The following LVRN variants were observed in gnomAD, a reference collection of about 807,000 sequenced individuals.
LVRN encodes laeverin.
Under a neutral mutation model 111.4 loss-of-function variants are expected in LVRN, and 99 were observed. The observed-to-expected ratio is 0.89, with a 90% CI of 0.76 to 1.05. The LOEUF is 1.05. Ranked by LOEUF, LVRN falls within the 50% of genes least tolerant of loss-of-function variation. LVRN has a pLI of 0.00. For synonymous variants in LVRN, 488 were observed against 449.5 expected (o/e 1.09, Z -1.08); for missense variants, 1,414 against 1,206.8 (o/e 1.17, Z -2.54).
At position 115,962,624 on chromosome 5, in the gene LVRN, C is replaced by T. The variant is rs773969321; in HGVS notation, c.7C>T (p.Pro3Ser). The change falls in exon 1 of 20, where the codon CCC becomes TCC. Residue 3 changes from proline to serine, a missense_variant. Coordinates refer to ENST00000357872, the MANE Select transcript of LVRN (RefSeq NM_173800.5). Reference sequence around the variant, plus strand: ...CCTGAACCCGGTCCCTGCCATGGGGCCCCCTTCCAGCTCAGGCTTCTATGT... The same window carrying T: ...CCTGAACCCGGTCCCTGCCATGGGGTCCCCTTCCAGCTCAGGCTTCTATGT... Reference protein sequence around the residue: MGPPSSSGFYVSR... With the variant: MGSPSSSGFYVSR... The T allele has an allele frequency of 2.5e-6, 4 of 1,593,916 alleles. No individual in the cohort carries two copies. The East Asian group carries it at 6.7e-5, about 27-fold the overall frequency.
At chr5:115,992,442 G>T (rs1748017461) in intron 5 of LVRN, among the ~76,000 whole-genome samples, 165 bp downstream of exon 5, 1 of 152,174 alleles carries the variant, frequency 6.6e-6, no homozygotes, top group Non-Finnish European at 1.5e-5. Context: ...CAGATTCAGG[G>T]TGGATTTGAG....
chr5:116,004,144 A>C (rs1748306050), intron 12 of LVRN, among the ~76,000 whole-genome samples: 1 of 152,238 alleles, frequency 6.6e-6, no homozygotes. Flanking sequence ...TACTAATTTT[A>C]CTTCTAAAAA....
intron 1 of LVRN, among the ~76,000 whole-genome samples, chr5:115,971,591 G>T (rs1299363911): frequency 6.6e-6 from 1 of 152,000 alleles, no homozygotes; most frequent in Non-Finnish European, 1.5e-5. Flanking sequence ...GTACTGAATT[G>T]TGTCTGCACT....
chr5:115,972,625 C>T (rs1753351844), intron 1 of LVRN, among the ~76,000 whole-genome samples: 1 of 151,896 alleles, frequency 6.6e-6, no homozygotes. Flanking sequence ...TCTAATACAA[C>T]ACTGAATAGA....
At chr5:115,972,305 A>G (rs1394742075) in intron 1 of LVRN, among the ~76,000 whole-genome samples, 1 of 152,056 alleles carries the variant, frequency 6.6e-6, no homozygotes, top group Non-Finnish European at 1.5e-5. Context: ...TTCACTGTAT[A>G]TATCTTGCAC....
At chr5:115,987,720 T>C in intron 3 of LVRN, 93 bp from the exon 4 acceptor site, 1 of 1,425,912 alleles carries the variant, frequency 7.0e-7, no homozygotes, top group Non-Finnish European at 9.5e-7. Flanking sequence ...AGGTAAGACT[T>C]TGGTTCAGCA....
intron 6 of LVRN, among the ~76,000 whole-genome samples, chr5:115,998,619 G>A (rs1464762051): frequency 1.3e-5 from 2 of 152,138 alleles, no homozygotes; most frequent in Non-Finnish European, 2.9e-5. Flanking sequence ...TGCTTACTGA[G>A]TAGGATCAGA....
At chr5:115,994,563 G>T (rs1412499137) in intron 6 of LVRN, among the ~76,000 whole-genome samples, 1 of 152,092 alleles carries the variant, frequency 6.6e-6, no homozygotes, top group African/African-American at 2.4e-5. Context: ...GTGAGCTACC[G>T]CGCCCAACCT....
chr5:115,993,927 A>G, intron 6 of LVRN, 73 bp downstream of exon 6: 1 of 833,662 alleles, frequency 1.2e-6, no homozygotes, highest in Non-Finnish European at 1.8e-6. Flanking sequence ...ATTCTTGAAA[A>G]TGTATAAAAT....
At chr5:116,017,570 A>T (rs1036587272) in intron 18 of LVRN, among the ~76,000 whole-genome samples, 1 of 152,148 alleles carries the variant, frequency 6.6e-6, no homozygotes, top group Non-Finnish European at 1.5e-5. Flanking sequence ...TCATGTATCC[A>T]CTAGATATAT....
At position 115,963,093 on chromosome 5, in the gene LVRN, G is replaced by A. The variant is rs1474740251; in HGVS notation, c.476G>A (p.Arg159Gln). ...LFQDCERAEV[R>Q]GPLSPGTGNA... ...CAGGACTGCGAGCGCGCCGAGGTGC[G>A]GGGACCCCTTTCCCCGGGCACTGGG... The change falls in exon 1 of 20, where the codon CGG becomes CAG. Residue 159 changes from arginine to glutamine, a missense_variant. Coordinates refer to ENST00000357872, the MANE Select transcript of LVRN (RefSeq NM_173800.5). The A allele has an allele frequency of 1.9e-6, 3 of 1,613,514 alleles. No homozygotes were observed. The highest frequency in any genetic ancestry group is 1.7e-5 in the Admixed American group (1 of 59,992).
At chr5:115,970,316 T>A (rs1177525608) in intron 1 of LVRN, among the ~76,000 whole-genome samples, 1 of 152,076 alleles carries the variant, frequency 6.6e-6, no homozygotes, top group Non-Finnish European at 1.5e-5. Context: ...TTTATATGAA[T>A]AAAATCATAC....
Position 116,015,666 on chromosome 5 carries a change from C to T in LVRN, c.2657C>T (p.Ser886Phe). 11 of 1,613,418 alleles carry T rather than the reference C, an allele frequency of 6.8e-6. No individual in the cohort carries two copies. The highest frequency in any genetic ancestry group is 9.3e-6 in the Non-Finnish European group (11 of 1,179,588). ...GCCATCAGCACATCTCCATTCACTT[C>T]TAATGAAACAAATATAATTGAGGTT... ...EYAISTSPFT[S>F]NETNIIEVVA... Residue 886 changes from serine (S) to phenylalanine (F), a missense_variant, in exon 18 of 20, where the codon TCT becomes TTT. Coordinates refer to ENST00000357872, the MANE Select transcript of LVRN (RefSeq NM_173800.5).
At chr5:115,983,222 A>G in intron 1 of LVRN, 65 bp from the exon 2 acceptor site, 2 of 1,456,754 alleles carry the variant, frequency 1.4e-6, no homozygotes, top group Non-Finnish European at 1.8e-6. Flanking sequence ...ATCATCTCTC[A>G]ATGTTTTTTT....
At chr5:116,015,578 T>A (rs774302347) in intron 17 of LVRN, 50 bp from the exon 18 acceptor site, 33 of 1,559,074 alleles carry the variant, frequency 2.1e-5, no homozygotes, top group Admixed American at 3.8e-5. Flanking sequence ...TTAAATTAAC[T>A]CTTTATGTTG....
chr5:115,972,715 A>C (rs115259506), intron 1 of LVRN, among the ~76,000 whole-genome samples: 2 of 151,992 alleles, frequency 1.3e-5, no homozygotes, highest in African/African-American at 4.8e-5. Flanking sequence ...ATTATTAATT[A>C]TGATTTTTCC....
Position 116,018,435 on chromosome 5 carries a change from G to A in LVRN, c.2756+2670G>A, listed in dbSNP as rs537463299. Among the ~76,000 whole-genome samples the A allele has an allele frequency of 1.2e-4, 18 of 152,276 alleles. No individual in the cohort carries two copies. In the East Asian group the frequency reaches 3.5e-3, roughly 29 times the overall value. On this transcript the variant is annotated intron_variant, in intron 18 of 19. Transcript: ENST00000357872. Reference sequence around the variant, plus strand: ...CTGTAATAATCCCAGCACTTTGGGAGGCTGAGGCAGGCAGATCACCTGAGG... The same window carrying A: ...CTGTAATAATCCCAGCACTTTGGGAAGCTGAGGCAGGCAGATCACCTGAGG...
chr5:115,962,792 T>G lies in LVRN; in HGVS notation c.175T>G (p.Ser59Ala). ...ACTCAGGGACTTGGAAGCCGAGTCT[T>G]CCCCTCCCCTCAGGCAGAAGCCGAC... ...PGLRDLEAES[S>A]PPLRQKPTPT... is the part of the protein sequence containing the mutation. Residue 59 changes from serine (S) to alanine (A), a missense_variant, in exon 1 of 20, where the codon TCC (serine) becomes GCC (alanine). Ser to Ala is a moderately conservative substitution (Grantham distance 99). Transcript: ENST00000357872. 1 of 1,609,854 alleles carries G rather than the reference T, an allele frequency of 6.2e-7. No homozygotes were observed. The highest frequency in any genetic ancestry group is 1.3e-5 in the African/African-American group (1 of 74,518).
Position 115,962,765 on chromosome 5 carries a change from G to A in LVRN, c.148G>A (p.Gly50Arg). 3 of 1,611,488 alleles carry A rather than the reference G, an allele frequency of 1.9e-6. No homozygotes were observed. In the South Asian group the frequency reaches 3.3e-5, roughly 18 times the overall value. The stretch of plus-strand genomic sequence containing the variant: ...GCGCGTCCCACCGTCGGAGCTGCCT[G>A]GACTCAGGGACTTGGAAGCCGAGTC... ...CERVPPSELP[G>R]LRDLEAESSP... Residue 50 changes from glycine (G) to arginine (R), a missense_variant, in exon 1 of 20, where the codon GGA becomes AGA. Transcript: ENST00000357872.
Sources: gnomAD v4.1 joint callset for allele counts (sites outside exome capture counted in the v4.1 genomes callset) on GRCh38, gnomAD v4.1.1 for gene constraint, MANE v1.5 for transcripts, NCBI Gene and HGNC (gene_info 2026-07-23, HGNC 2026-07-21) for gene names.